CHD8: variants seen among roughly 807,000 people sequenced by gnomAD.
CHD8 encodes the protein chromodomain helicase DNA binding protein 8.
CHD8 carries 31 observed loss-of-function variants against 279.2 expected under a neutral mutation model. The observed-to-expected ratio is 0.11, with a 90% CI of 0.08 to 0.15. The LOEUF (loss-of-function observed/expected upper bound fraction) is 0.15. Among genes scored for constraint, CHD8 ranks in the 10% least tolerant of loss-of-function variants. CHD8 has a pLI of 1.00. For missense variants in CHD8, 2,146 were observed against 3,230.5 expected (o/e 0.66, Z 8.14); for synonymous variants, 1,081 against 1,139.6 (o/e 0.95, Z 1.04).
chr14:21,407,072 G>T, intron 13 of CHD8, 40 bp from the exon 14 acceptor site: 1 of 1,492,310 alleles, frequency 6.7e-7, no homozygotes, highest in Non-Finnish European at 9.0e-7. Flanking sequence ...AACCAAAAAT[G>T]TACCTAAATG....
At chr14:21,427,083 A>G (rs1291414038) in intron 4 of CHD8, 1 of 152,318 alleles carries the variant, frequency 6.6e-6, no homozygotes, top group African/African-American at 2.4e-5. Flanking sequence ...TCCTCTTAAA[A>G]TATGCTAATT....
At chr14:21,445,106 C>A (rs1045375993) in intron 1 of CHD8, among the ~76,000 whole-genome samples, 1 of 152,196 alleles carries the variant, frequency 6.6e-6, no homozygotes, top group Admixed American at 6.5e-5. Flanking sequence ...AAATTCCCAT[C>A]TTTACCTCCT....
Position 21,431,617 on chromosome 14 carries a change from G to C in CHD8, c.27C>G (p.Phe9Leu). 1 of 1,538,238 alleles carries C rather than the reference G, an allele frequency of 6.5e-7. No individual in the cohort carries two copies. Residue 9 changes from phenylalanine (F) to leucine (L), a missense_variant, in exon 2 of 38, where the codon TTC (phenylalanine) becomes TTG (leucine). Around this residue, in one of 26 missense-constraint regions of CHD8, gnomAD observed 302 missense variants for 325.5 expected, o/e 0.93. Transcript: ENST00000646647. The part of the protein sequence containing the change: MADPIMDL[F>L]DDPNLFGLDS... ...CCAGGCCAAATAAATTTGGGTCATCGAACAGATCCATGATGGGGTCTGCCA... is the reference window on the plus strand; with the variant it reads ...CCAGGCCAAATAAATTTGGGTCATCCAACAGATCCATGATGGGGTCTGCCA...
intron 37 of CHD8, among the ~76,000 whole-genome samples, chr14:21,387,092 G>C (rs1240513335): frequency 6.6e-6 from 1 of 152,202 alleles, no homozygotes; most frequent in South Asian, 2.1e-4. Context: ...GCTTCTTCTA[G>C]ATGTTCTGAC....
intron 37 of CHD8, 174 bp from the exon 38 acceptor site, chr14:21,386,350 G>T: frequency 1.6e-6 from 1 of 607,772 alleles, no homozygotes; most frequent in Non-Finnish European, 2.9e-6. Context: ...AGGAAATGCT[G>T]GACTTAGCTG....
chr14:21,387,797 C>G (rs1463311951), intron 37 of CHD8, among the ~76,000 whole-genome samples: 2 of 120,560 alleles, frequency 1.7e-5, no homozygotes, highest in African/African-American at 3.5e-5. Context: ...CAGAACGAGA[C>G]TCTGTCTCAA....
intron 1 of CHD8, among the ~76,000 whole-genome samples, chr14:21,435,601 T>C (rs1426867881): frequency 6.6e-6 from 1 of 152,192 alleles, no homozygotes; most frequent in Admixed American, 6.5e-5. Context: ...AATCTCTCCA[T>C]ACCTTTCAAC....
intron 13 of CHD8, among the ~76,000 whole-genome samples, chr14:21,407,921 A>T (rs1178308409): frequency 6.6e-6 from 1 of 152,186 alleles, no homozygotes; most frequent in African/African-American, 2.4e-5. Context: ...TTAGAAAAAG[A>T]AACTGATCTT....
At chr14:21,392,411 C>G in intron 34 of CHD8, 96 bp downstream of exon 34, 1 of 1,200,270 alleles carries the variant, frequency 8.3e-7, no homozygotes, top group South Asian at 1.5e-5. Context: ...TTAAAATTAG[C>G]TAACCAAATG....
chr14:21,401,993 G>A lies in CHD8; in HGVS notation c.4026C>T (p.Thr1342=). ...QILLRRTTTI[T]IESEGKGSTF... ...TGGAACCTTTTCCTTCAGATTCAAT[G>A]GTGATGGTTGTAGTTCGTCTTAACA... The change falls in exon 20 of 38, where the codon ACC becomes ACT. Residue 1342 remains threonine (T), a synonymous_variant. Coordinates refer to ENST00000646647, the MANE Select transcript of CHD8 (RefSeq NM_001170629.2). 1 of 1,613,440 alleles carries A rather than the reference G, an allele frequency of 6.2e-7. No individual in the cohort carries two copies. The highest frequency in any genetic ancestry group is 8.5e-7 in the Non-Finnish European group (1 of 1,179,764).
In CHD8 at chr14:21,400,662, CT is replaced by C. The variant is rs1298645676; in HGVS notation, c.4371-51del. On this transcript the variant is annotated intron_variant, in intron 22 of 37. Transcript: ENST00000646647. This position sits in a 1 kb window ranked among gnomAD's most constrained non-coding sequence, Gnocchi z 4.2. Reference sequence around the variant, plus strand: ...CATTTTTCTGAGAAATGACAGTCCCCTGTCCCTCAGAATCATGTCTCTGAAA... The same window carrying C: ...CATTTTTCTGAGAAATGACAGTCCCCGTCCCTCAGAATCATGTCTCTGAAA... 2.0e-6 allele frequency: 3 copies of C among 1,464,674 alleles called. No individual in the cohort carries two copies. The African/African-American group carries it at 4.4e-5, about 22-fold the overall frequency. 90.7% of individuals were successfully genotyped at this position (1,464,674 alleles called of 1,614,324 possible). A position where few individuals can be genotyped will look rare whatever the true frequency, so the allele number is the denominator to read the frequency against.
intron 1 of CHD8, among the ~76,000 whole-genome samples, chr14:21,434,084 C>G (rs1293000825): frequency 1.4e-5 from 2 of 139,554 alleles, no homozygotes; most frequent in African/African-American, 5.4e-5. Flanking sequence ...TCACTCTTGT[C>G]GCCCAGGCTG....
chr14:21,451,872 G>C (rs755699405), intron 1 of CHD8, among the ~76,000 whole-genome samples: 6 of 152,176 alleles, frequency 3.9e-5, no homozygotes, highest in Non-Finnish European at 8.8e-5. Flanking sequence ...CAGAGATTAA[G>C]ATACTTTGTA....
Position 21,394,966 on chromosome 14 carries a change from C to G in CHD8, c.5336G>C (p.Arg1779Pro). The G allele has an allele frequency of 1.2e-6, 2 of 1,614,040 alleles. No individual in the cohort carries two copies. The highest frequency in any genetic ancestry group is 1.7e-6 in the Non-Finnish European group (2 of 1,179,908). ...AAERGDRRRR[R>P]CEAAFKLKEI... The stretch of plus-strand genomic sequence containing the variant: ...TTTCAGCTTGAAGGCTGCTTCACAA[C>G]GCCGCCTTCGCCGGTCCCCACGTTC... The change falls in exon 30 of 38, where the codon CGT becomes CCT. Residue 1779 changes from arginine (R) to proline (P), a missense_variant. Physicochemically the swap from Arg to Pro is moderately radical, Grantham distance 103. This residue lies in a region of CHD8 where 513 missense variants were observed against 637.6 expected (regional missense o/e 0.80). Transcript: ENST00000646647.
At chr14:21,421,455 A>C (rs1487893727) in intron 5 of CHD8, among the ~76,000 whole-genome samples, 1 of 151,988 alleles carries the variant, frequency 6.6e-6, no homozygotes, top group Non-Finnish European at 1.5e-5. Context: ...ACCAATGGAC[A>C]TCTAATTTTT....
At chr14:21,386,234 C>G in intron 37 of CHD8, 58 bp from the exon 38 acceptor site, 1 of 1,466,526 alleles carries the variant, frequency 6.8e-7, no homozygotes, top group South Asian at 1.3e-5. Context: ...AGAAAAGAAA[C>G]CAAAGCCAAC....
rs1889458300 is a variant in CHD8, at chr14:21,429,249, T to C, written c.930A>G (p.Leu310=). The stretch of plus-strand genomic sequence containing the variant: ...TGCCCTGTAACACTATCTTGCCTGG[T>C]AGACTCCCTAGCACAACATGCCGAT... ...QGHRHVVLGS[L]PGKIVLQGNQ... The change falls in exon 3 of 38, where the codon CTA becomes CTG. Residue 310 remains leucine, a synonymous_variant. Transcript: ENST00000646647. The C allele has an allele frequency of 1.9e-6, 3 of 1,613,670 alleles. No individual in the cohort carries two copies. The highest frequency in any genetic ancestry group is 1.7e-5 in the Admixed American group (1 of 59,988).
Position 21,400,186 on chromosome 14 carries a change from T to G in CHD8, c.4692A>C (p.Glu1564Asp), listed in dbSNP as rs1282192937. ...GATGTTTCAAGTGCTTCTTATAACT[T>G]TCATCTTGGAACAAAGTGTCAGGGT... Reference protein sequence around the residue: ...KYNPDTLFQDESYKKHLKHQC... With the variant: ...KYNPDTLFQDDSYKKHLKHQC... The change falls in exon 24 of 38, where the codon GAA becomes GAC. Residue 1564 changes from glutamate to aspartate, a missense_variant. Around this residue, in one of 26 missense-constraint regions of CHD8, gnomAD observed 73 missense variants for 153.2 expected, o/e 0.48. Coordinates refer to ENST00000646647, the MANE Select transcript of CHD8 (RefSeq NM_001170629.2). The surrounding 1 kb of genome is among the most constrained non-coding windows in gnomAD (Gnocchi z 4.2). The G allele has an allele frequency of 6.2e-7, 1 of 1,613,932 alleles. No individual in the cohort carries two copies.
chr14:21,392,027 C>CTA, intron 34 of CHD8, 81 bp from the exon 35 acceptor site: 1 of 998,452 alleles, frequency 1.0e-6, no homozygotes, highest in Non-Finnish European at 1.6e-6. Context: ...GGGATGTGGG[C>CTA]TATAGGTCAT....
Sources: gnomAD v4.1 joint callset for allele counts (sites outside exome capture counted in the v4.1 genomes callset) on GRCh38, gnomAD v4.1.1 for gene constraint, gnomAD v4.1.1 regional missense constraint, Gnocchi (gnomAD v3.1) non-coding constraint, MANE v1.5 for transcripts, NCBI Gene and HGNC (gene_info 2026-07-23, HGNC 2026-07-21) for gene names.